Variants in PAPPA2 observed in about 807,000 individuals in gnomAD.
PAPPA2 encodes pappalysin-2.
PAPPA2 carries 86 observed loss-of-function variants against 176.4 expected under a neutral mutation model. The ratio of observed to expected loss-of-function variants is 0.49; its 90% CI spans 0.41 to 0.58. The LOEUF (loss-of-function observed/expected upper bound fraction) is 0.58. PAPPA2 is among the 20% of genes least tolerant of loss of function. The pLI, the probability that PAPPA2 is intolerant of heterozygous loss-of-function variation, is 0.00. For synonymous variants in PAPPA2, 809 were observed against 852.2 expected, an observed-to-expected ratio of 0.95 and a Z score of 0.88; for missense variants, 2,073 against 2,256.9, an observed-to-expected ratio of 0.92 and a Z score of 1.65.
chr1:176,584,852 A>G (rs543004032), intron 2 of PAPPA2, among the ~76,000 whole-genome samples: 3 of 145,112 alleles, frequency 2.1e-5, no homozygotes, highest in African/African-American at 7.7e-5. Flanking sequence ...CTCTGCCTCA[A>G]CCTCCTGGGT....
At chr1:176,474,763 A>T (rs1040793359) in intron 1 of PAPPA2, among the ~76,000 whole-genome samples, 1 of 152,216 alleles carries the variant, frequency 6.6e-6, no homozygotes, top group Admixed American at 6.5e-5. Flanking sequence ...GCAAGAGGCT[A>T]CCAGAAAATA....
chr1:176,472,240 G>A (rs1350040145), intron 1 of PAPPA2, among the ~76,000 whole-genome samples: 4 of 152,056 alleles, frequency 2.6e-5, no homozygotes, highest in Non-Finnish European at 1.5e-5. Flanking sequence ...AATGTTTCCT[G>A]TTACCCTCCA....
chr1:176,632,228 G>GGTGTGTGTGTGTGT (rs755065819), intron 3 of PAPPA2, among the ~76,000 whole-genome samples: 17 of 137,772 alleles, frequency 1.2e-4, no homozygotes, highest in Non-Finnish European at 2.3e-4. Flanking sequence ...AATTAGTAGT[G>GGTGTGTGTGTGTGT]ATGTGTGTGT....
chr1:176,781,341 A>G (rs908976230), intron 17 of PAPPA2, among the ~76,000 whole-genome samples: 1 of 116,316 alleles, frequency 8.6e-6, no homozygotes, highest in Non-Finnish European at 1.7e-5. Context: ...TCTATTTTAC[A>G]TGTGAGAAGA....
chr1:176,584,511 CT>C (rs1350378509), intron 2 of PAPPA2, among the ~76,000 whole-genome samples: 1 of 151,664 alleles, frequency 6.6e-6, no homozygotes, highest in Non-Finnish European at 1.5e-5. Context: ...CACTTTCAGT[CT>C]ATGTGTGTCT....
chr1:176,550,031 C>T (rs939253052), intron 1 of PAPPA2, among the ~76,000 whole-genome samples: 14 of 152,204 alleles, frequency 9.2e-5, no homozygotes, highest in African/African-American at 3.4e-4. Context: ...CCCTTAGTAA[C>T]CACTGATCCA....
intron 2 of PAPPA2, among the ~76,000 whole-genome samples, chr1:176,574,048 C>A (rs1652505672): frequency 6.6e-6 from 1 of 151,976 alleles, no homozygotes; most frequent in African/African-American, 2.4e-5. Context: ...GACATCTCTG[C>A]TAACTATCTC....
Position 176,635,818 on chromosome 1 carries a change from C to A in PAPPA2, c.1992-35152C>A, listed in dbSNP as rs1336080759. On this transcript the variant is annotated intron_variant, in intron 3 of 22. Transcript: ENST00000367662. Reference sequence around the variant, plus strand: ...TACTGTACCACGGTAGGAGAATGAACATTTTTTTGTGTGGTACATAGTTTC... The same window carrying A: ...TACTGTACCACGGTAGGAGAATGAAAATTTTTTTGTGTGGTACATAGTTTC... 3.9e-5 allele frequency among the ~76,000 whole-genome samples: 6 copies of A among 152,136 alleles called. No individual in the cohort carries two copies. The East Asian group carries it at 1.2e-3, about 29-fold the overall frequency.
intron 3 of PAPPA2, among the ~76,000 whole-genome samples, chr1:176,613,867 A>G (rs1360652684): frequency 2.0e-5 from 3 of 152,210 alleles, no homozygotes; most frequent in Non-Finnish European, 4.4e-5. Flanking sequence ...GGGCTAATTC[A>G]GTGTTGTCCA....
At chr1:176,655,760 A>G (rs1043319563) in intron 3 of PAPPA2, among the ~76,000 whole-genome samples, 10 of 151,848 alleles carry the variant, frequency 6.6e-5, no homozygotes, top group African/African-American at 2.2e-4. Context: ...CGATAGGCAC[A>G]TTAAAAGCTC....
At position 176,556,332 on chromosome 1, in the gene PAPPA2, T is replaced by C. The variant is rs767557558; in HGVS notation, c.10T>C (p.Leu4=). 5.6e-6 allele frequency: 9 copies of C among 1,613,492 alleles called. No homozygotes were observed. Among genetic ancestry groups the C allele is most frequent in the South Asian group, 1.1e-5 (1 of 90,978 alleles). The part of the protein sequence containing the change: MMC[L]KILRISLAIL... ...AAGAGCTAGGGGAGGTATGATGTGCTTAAAGATCCTAAGAATAAGCCTGGC... is the reference window on the plus strand; with the variant it reads ...AAGAGCTAGGGGAGGTATGATGTGCCTAAAGATCCTAAGAATAAGCCTGGC... Residue 4 remains leucine, a synonymous_variant, in exon 2 of 23, where the codon TTA becomes CTA. Transcript: ENST00000367662.
chr1:176,580,144 T>C (rs891330237), intron 2 of PAPPA2, among the ~76,000 whole-genome samples: 1 of 152,158 alleles, frequency 6.6e-6, no homozygotes, highest in African/African-American at 2.4e-5. Context: ...CTTTAGCAAA[T>C]TTATCCCTAT....
intron 1 of PAPPA2, among the ~76,000 whole-genome samples, chr1:176,534,353 G>A (rs1649962398): frequency 6.6e-6 from 1 of 152,100 alleles, no homozygotes; most frequent in Admixed American, 6.6e-5. Flanking sequence ...CTACTCATTT[G>A]CTTCTATTCC....
chr1:176,540,395 C>T (rs148130779), intron 1 of PAPPA2, among the ~76,000 whole-genome samples: 8 of 152,348 alleles, frequency 5.3e-5, no homozygotes, highest in Admixed American at 1.3e-4. Context: ...TTGATTACTG[C>T]GTGAAGAGTT....
In PAPPA2 at chr1:176,594,705, G is replaced by A. The variant is rs758938478; in HGVS notation, c.1101G>A (p.Val367=). The A allele has an allele frequency of 1.2e-6, 2 of 1,614,216 alleles. No individual in the cohort carries two copies. The highest frequency in any genetic ancestry group is 2.2e-5 in the South Asian group (2 of 91,086). Residue 367 remains valine (V), a synonymous_variant, in exon 3 of 23, where the codon GTG becomes GTA. Coordinates refer to ENST00000367662, the MANE Select transcript of PAPPA2 (RefSeq NM_020318.3). ...SRYQPGTWTH[V]AATYDGRHMA... The stretch of plus-strand genomic sequence containing the variant: ...ACCAACCAGGCACATGGACCCATGT[G>A]GCAGCCACTTACGATGGACGGCACA...
chr1:176,710,309 C>G (rs1354103019), intron 11 of PAPPA2, 133 bp downstream of exon 11: 21 of 760,548 alleles, frequency 2.8e-5, no homozygotes, highest in Non-Finnish European at 4.1e-5. Flanking sequence ...GGGAACATTA[C>G]TGGATCTGCC....
In PAPPA2 at chr1:176,760,203, A is replaced by T. The variant is rs888638520; in HGVS notation, c.4152-5463A>T. On this transcript the variant is annotated intron_variant, in intron 14 of 22. Coordinates refer to ENST00000367662, the MANE Select transcript of PAPPA2 (RefSeq NM_020318.3). Reference sequence around the variant, plus strand: ...GCCATGAATTTATAATCAGTAACACATGATTTAATTGTTTTTTTCTCTTTA... The same window carrying T: ...GCCATGAATTTATAATCAGTAACACTTGATTTAATTGTTTTTTTCTCTTTA... Among the ~76,000 whole-genome samples, 9 of 152,358 alleles carry T rather than the reference A, an allele frequency of 5.9e-5. No individual in the cohort carries two copies. The South Asian group carries it at 1.5e-3, about 25-fold the overall frequency.
intron 12 of PAPPA2, among the ~76,000 whole-genome samples, chr1:176,722,567 T>C (rs1054720722): frequency 4.6e-5 from 7 of 152,134 alleles, no homozygotes; most frequent in African/African-American, 1.7e-4. Flanking sequence ...CTAAAAACTC[T>C]TCTTAGTTTT....
intron 1 of PAPPA2, among the ~76,000 whole-genome samples, chr1:176,547,513 A>C (rs1650704564): frequency 6.6e-6 from 1 of 152,114 alleles, no homozygotes; most frequent in African/African-American, 2.4e-5. Context: ...GTCATGACTT[A>C]CTTTGGCCAA....
Sources: gnomAD v4.1 joint callset for allele counts (sites outside exome capture counted in the v4.1 genomes callset) on GRCh38, gnomAD v4.1.1 for gene constraint, MANE v1.5 for transcripts, NCBI Gene and HGNC (gene_info 2026-07-23, HGNC 2026-07-21) for gene names.